SLC25A13: variants seen among roughly 807,000 people sequenced by gnomAD.
SLC25A13 encodes the protein electrogenic aspartate/glutamate antiporter SLC25A13, mitochondrial.
SLC25A13 carries 70 observed loss-of-function variants against 85.5 expected under a neutral mutation model. That is an observed-to-expected ratio of 0.82 (90% CI 0.68 to 1.00). SLC25A13 has a LOEUF of 1.00. Among genes scored for constraint, SLC25A13 ranks in the 50% least tolerant of loss-of-function variants. The probability of loss-of-function intolerance (pLI) is 0.00; values close to 1 mark genes in which losing one functional copy is unlikely to be tolerated. For missense variants in SLC25A13, 765 were observed against 819.8 expected (o/e 0.93, Z 0.82); for synonymous variants, 259 against 288.7 (o/e 0.90, Z 1.04).
chr7:96,321,873 G>A, intron 1 of SLC25A13, 69 bp downstream of exon 1: 3 of 1,475,332 alleles, frequency 2.0e-6, no homozygotes, highest in African/African-American at 1.5e-5. Context: ...ACACGTGAGC[G>A]CCCGAGCCTC....
At chr7:96,201,489 G>A (rs1180815700) in intron 5 of SLC25A13, among the ~76,000 whole-genome samples, 3 of 139,416 alleles carry the variant, frequency 2.2e-5, no homozygotes, top group Non-Finnish European at 4.6e-5. Context: ...TCCAGCCTGG[G>A]TGACAGAGTG....
chr7:96,221,494 T>C (rs1231207044), intron 4 of SLC25A13, among the ~76,000 whole-genome samples: 3 of 152,100 alleles, frequency 2.0e-5, no homozygotes, highest in Admixed American at 2.0e-4. Flanking sequence ...CCAAGTAACG[T>C]TTCTTCTGAT....
At chr7:96,310,444 G>C (rs1799908555) in intron 1 of SLC25A13, among the ~76,000 whole-genome samples, 1 of 152,214 alleles carries the variant, frequency 6.6e-6, no homozygotes, top group Non-Finnish European at 1.5e-5. Context: ...ACTTCCCAAT[G>C]CATAATATCA....
At chr7:96,305,930 G>C (rs1039275659) in intron 1 of SLC25A13, among the ~76,000 whole-genome samples, 2 of 152,218 alleles carry the variant, frequency 1.3e-5, no homozygotes, top group African/African-American at 4.8e-5. Flanking sequence ...TGCACAGCTG[G>C]AGGCTCATCT....
rs145309583 is a variant in SLC25A13, at chr7:96,127,209, T to C, written c.1591+4534A>G. On this transcript the variant is annotated intron_variant, in intron 15 of 17. Coordinates refer to ENST00000265631, the MANE Select transcript of SLC25A13 (RefSeq NM_014251.3). ...TTTATTTGATATCATTCACAAGGTGTATTGAAATGCCCTTCATTAATGATA... is the reference window on the plus strand; with the variant it reads ...TTTATTTGATATCATTCACAAGGTGCATTGAAATGCCCTTCATTAATGATA... Among the ~76,000 whole-genome samples, 327 of 152,328 alleles carry C rather than the reference T, an allele frequency of 2.1e-3. 2 individuals carry two copies. The highest frequency in any genetic ancestry group is 7.5e-3 in the African/African-American group (311 of 41,564).
chr7:96,266,544 C>A (rs780422476), intron 3 of SLC25A13, among the ~76,000 whole-genome samples: 10 of 152,122 alleles, frequency 6.6e-5, no homozygotes, highest in Non-Finnish European at 1.3e-4. Context: ...GGAGCGCTAT[C>A]TGTACATATG....
intron 2 of SLC25A13, among the ~76,000 whole-genome samples, chr7:96,293,847 T>G (rs1345680988): frequency 6.6e-6 from 1 of 152,166 alleles, no homozygotes; most frequent in African/African-American, 2.4e-5. Flanking sequence ...GTAAACTAGT[T>G]CAACCATTGT....
chr7:96,132,030 C>T (rs534224634), intron 14 of SLC25A13, 149 bp from the exon 15 acceptor site: 4 of 1,009,304 alleles, frequency 4.0e-6, no homozygotes, highest in African/African-American at 3.2e-5. Context: ...AAAAAATAAC[C>T]CAAATTCTGC....
At chr7:96,320,338 T>C (rs758170652) in intron 1 of SLC25A13, among the ~76,000 whole-genome samples, 1 of 152,206 alleles carries the variant, frequency 6.6e-6, no homozygotes, top group Admixed American at 6.5e-5. Flanking sequence ...TCAAGTCTTA[T>C]ACTCCATTTC....
intron 5 of SLC25A13, among the ~76,000 whole-genome samples, chr7:96,207,575 A>G (rs1340868134): frequency 6.6e-6 from 1 of 152,210 alleles, no homozygotes; most frequent in East Asian, 1.9e-4. Flanking sequence ...CTTTTTAAAC[A>G]TATTTAATAA....
intron 3 of SLC25A13, among the ~76,000 whole-genome samples, chr7:96,243,058 G>A (rs1304924873): frequency 4.6e-5 from 7 of 152,026 alleles, no homozygotes; most frequent in East Asian, 3.9e-4. Flanking sequence ...TCTGCCTCCC[G>A]GGTTCAAGCA....
At chr7:96,230,235 C>T (rs903300982) in intron 4 of SLC25A13, among the ~76,000 whole-genome samples, 5 of 152,162 alleles carry the variant, frequency 3.3e-5, no homozygotes, top group African/African-American at 7.2e-5. Context: ...CAAAAGAGTA[C>T]ATTCTATATA....
At chr7:96,271,747 T>C (rs1798246254) in intron 3 of SLC25A13, among the ~76,000 whole-genome samples, 1 of 152,220 alleles carries the variant, frequency 6.6e-6, no homozygotes, top group African/African-American at 2.4e-5. Flanking sequence ...TGTTATCTGA[T>C]AAATGTAAGG....
chr7:96,124,563 T>C (rs1446502171), intron 15 of SLC25A13, among the ~76,000 whole-genome samples: 6 of 152,244 alleles, frequency 3.9e-5, no homozygotes, highest in Non-Finnish European at 8.8e-5. Context: ...TTCCATTCAG[T>C]ATGGCATTAA....
At chr7:96,293,402 T>C (rs1335664210) in intron 2 of SLC25A13, among the ~76,000 whole-genome samples, 6 of 152,060 alleles carry the variant, frequency 3.9e-5, no homozygotes, top group African/African-American at 1.4e-4. Flanking sequence ...CCAAAAGCAA[T>C]GGCAACAAAA....
intron 4 of SLC25A13, among the ~76,000 whole-genome samples, chr7:96,211,984 C>T (rs1795716746): frequency 6.6e-6 from 1 of 152,194 alleles, no homozygotes; most frequent in Non-Finnish European, 1.5e-5. Flanking sequence ...GGGTTAGATT[C>T]ACTCCTAATT....
intron 3 of SLC25A13, among the ~76,000 whole-genome samples, chr7:96,261,278 T>C (rs548387233): frequency 5.3e-5 from 8 of 152,340 alleles, no homozygotes; most frequent in South Asian, 2.1e-4. Context: ...GTTTACATTA[T>C]CTGTTTGCTA....
intron 4 of SLC25A13, among the ~76,000 whole-genome samples, chr7:96,226,838 T>C (rs1168042246): frequency 1.3e-5 from 2 of 152,138 alleles, no homozygotes; most frequent in Non-Finnish European, 2.9e-5. Flanking sequence ...CTGCTTTGGT[T>C]ACAAATGACT....
At position 96,262,832 on chromosome 7, in the gene SLC25A13, A is replaced by G. The variant is rs376823598; in HGVS notation, c.212+14364T>C. Among the ~76,000 whole-genome samples, 27 of 152,314 alleles carry G rather than the reference A, an allele frequency of 1.8e-4. No individual in the cohort carries two copies. In the East Asian group the frequency reaches 3.5e-3, roughly 20 times the overall value. ...GCTAGTTCCACCACTCATTAGCTAT[A>G]TGACTTTGAGCAAATTATTTAACCT... is the stretch of plus-strand genomic sequence containing the variant. On this transcript the variant is annotated intron_variant, in intron 3 of 17. Coordinates refer to ENST00000265631, the MANE Select transcript of SLC25A13 (RefSeq NM_014251.3).
Sources: allele counts gnomAD v4.1 joint callset (sites outside exome capture counted in the v4.1 genomes callset), GRCh38; gene constraint gnomAD v4.1.1; transcripts MANE v1.5; gene names NCBI Gene and HGNC (gene_info 2026-07-23, HGNC 2026-07-21).